ATG16L2: variants seen among roughly 807,000 people sequenced by gnomAD.
ATG16L2 encodes the protein protein Atg16l2.
A neutral mutation model predicts 84.7 loss-of-function variants in ATG16L2; 77 were observed. That is an observed-to-expected ratio of 0.91 (90% CI 0.76 to 1.10). The LOEUF (loss-of-function observed/expected upper bound fraction) is 1.10. Ranked by LOEUF, ATG16L2 falls within the 50% of genes least tolerant of loss-of-function variation. The pLI is 0.00. For synonymous variants in ATG16L2, 361 were observed against 342.8 expected (o/e 1.05, Z -0.59); for missense variants, 782 against 817.6 (o/e 0.96, Z 0.53).
intron 1 of ATG16L2, among the ~76,000 whole-genome samples, chr11:72,815,318 A>G (rs777159584): frequency 2.0e-5 from 3 of 152,174 alleles, no homozygotes; most frequent in Non-Finnish European, 4.4e-5. Context: ...ACTGGGGCTA[A>G]TCTTGGCCAA....
intron 7 of ATG16L2, chr11:72,823,400 G>A (rs1278797757): frequency 2.8e-6 from 1 of 351,062 alleles, no homozygotes; most frequent in South Asian, 2.2e-5. Context: ...AGCATGTGTA[G>A]ATGTGTGCTC....
intron 2 of ATG16L2, 152 bp from the exon 3 acceptor site, chr11:72,817,604 C>T (rs1270525306): frequency 1.4e-6 from 1 of 729,184 alleles, no homozygotes; most frequent in East Asian, 2.7e-5. Context: ...TTTCTAGAGA[C>T]TTGCCTTTTC....
Position 72,828,984 on chromosome 11 carries a change from G to A in ATG16L2, c.1772G>A (p.Cys591Tyr). The change falls in exon 17 of 18, where the codon TGC becomes TAC. Residue 591 changes from cysteine to tyrosine, a missense_variant and splice_region_variant. Transcript: ENST00000321297. ...GAGAGCAGACTACAGGGACCCCATT[G>A]GTGAGCATGGCCTCCACCTGGCCAC... ...KLESRLQGPH[C>Y]AAVNAVAWCY... 1.9e-6 allele frequency: 3 copies of A among 1,613,992 alleles called. No individual in the cohort carries two copies. Among genetic ancestry groups the A allele is most frequent in the Non-Finnish European group, 2.5e-6 (3 of 1,179,924 alleles).
At position 72,820,384 on chromosome 11, in the gene ATG16L2, C is replaced by G. The variant is rs184051572; in HGVS notation, c.319-1284C>G. 1.2e-4 allele frequency: 18 copies of G among 152,302 alleles called. No homozygotes were observed. In the East Asian group the frequency reaches 1.9e-3, roughly 16 times the overall value. 9.4% of individuals were successfully genotyped at this position (152,302 alleles called of 1,614,324 possible). On this transcript the variant is annotated intron_variant, in intron 3 of 17. Coordinates refer to ENST00000321297, the MANE Select transcript of ATG16L2 (RefSeq NM_033388.2). Reference sequence around the variant, plus strand: ...TTTAGTCACATTCACCCCTCTCCCCCCAACCATCCCTAACCCCTGGCAAGT... The same window carrying G: ...TTTAGTCACATTCACCCCTCTCCCCGCAACCATCCCTAACCCCTGGCAAGT...
chr11:72,826,750 G>A lies in ATG16L2; in HGVS notation c.1293G>A (p.Lys431=). The change falls in exon 13 of 18, where the codon AAG becomes AAA. Residue 431 remains lysine, a synonymous_variant. Transcript: ENST00000321297. ...HKDKVTAAKF[K]LTRHQAVTGS... is the part of the protein sequence containing the mutation. ...ATAAGGTGACAGCTGCCAAATTCAA[G>A]CTAACGAGGCACCAGGCAGTGACTG... is the stretch of plus-strand genomic sequence containing the variant. The A allele has an allele frequency of 6.2e-7, 1 of 1,614,136 alleles. No homozygotes were observed. The highest frequency in any genetic ancestry group is 8.5e-7 in the Non-Finnish European group (1 of 1,180,008).
chr11:72,829,583 T>C lies in ATG16L2; in HGVS notation c.*193T>C. On this transcript the variant is annotated 3_prime_UTR_variant, in exon 18 of 18. Transcript: ENST00000321297. ...ATTACGCTAGTTTTTCTTTGTATTT[T>C]TATCTCTATCTCCTCACTTTTTCTC... 1.6e-6 allele frequency: 2 copies of C among 1,275,146 alleles called. No homozygotes were observed. Among genetic ancestry groups the C allele is most frequent in the Non-Finnish European group, 2.0e-6 (2 of 1,001,090 alleles). 79.0% of individuals were successfully genotyped at this position (1,275,146 alleles called of 1,614,324 possible). A position where few individuals can be genotyped will look rare whatever the true frequency, so the allele number is the denominator to read the frequency against.
At chr11:72,826,881 G>T in intron 13 of ATG16L2, 58 bp downstream of exon 13, 1 of 1,588,334 alleles carries the variant, frequency 6.3e-7, no homozygotes, top group South Asian at 1.1e-5. Flanking sequence ...CCCAGGCCAG[G>T]GCACAAGGGA....
intron 3 of ATG16L2, chr11:72,821,388 G>C (rs899344037): frequency 6.9e-5 from 86 of 1,250,610 alleles, no homozygotes; most frequent in Non-Finnish European, 8.4e-5. Flanking sequence ...CAGTGGAGCG[G>C]GTTGCTCTTG....
chr11:72,814,619 C>A (rs1859598042), intron 1 of ATG16L2, 56 bp downstream of exon 1: 2 of 1,436,652 alleles, frequency 1.4e-6, no homozygotes, highest in Non-Finnish European at 1.9e-6. Flanking sequence ...GCTACGGGCG[C>A]GGGGAGAGGG....
intron 1 of ATG16L2, among the ~76,000 whole-genome samples, chr11:72,815,372 C>T (rs1164914242): frequency 6.6e-6 from 1 of 152,206 alleles, no homozygotes; most frequent in African/African-American, 2.4e-5. Context: ...AATTTCTCTG[C>T]AAGCTTCCAG....
intron 14 of ATG16L2, 42 bp downstream of exon 14, chr11:72,827,335 G>A: frequency 6.7e-7 from 1 of 1,495,742 alleles, no homozygotes; most frequent in Non-Finnish European, 9.3e-7. Context: ...GAGGGCTGGG[G>A]ACAGGGCTCC....
intron 8 of ATG16L2, chr11:72,824,501 C>T: frequency 3.5e-6 from 2 of 573,724 alleles, no homozygotes; most frequent in Non-Finnish European, 6.2e-6. Context: ...GGTTTCTTTG[C>T]ACCCACCAAC....
chr11:72,835,642 C>T (rs1471985720), intron 5 of ATG16L2, among the ~76,000 whole-genome samples: 1 of 152,092 alleles, frequency 6.6e-6, no homozygotes, highest in Non-Finnish European at 1.5e-5. Context: ...TGGATATAGT[C>T]CTTATAGGAA....
In ATG16L2 at chr11:72,817,789, A is replaced by G. The variant is rs889616078; in HGVS notation, c.252A>G (p.Pro84=). Residue 84 remains proline, a synonymous_variant, in exon 3 of 18, where the codon CCA becomes CCG. Coordinates refer to ENST00000321297, the MANE Select transcript of ATG16L2 (RefSeq NM_033388.2). ...EESELDSDQV[P]SLVALRVKWQ... is the part of the protein sequence containing the mutation. ...CAGAGCTTGACTCAGACCAAGTCCC[A>G]TCACTGGTCGCACTGAGGGTGAAGT... The G allele has an allele frequency of 1.2e-6, 2 of 1,613,552 alleles. No homozygotes were observed. The highest frequency in any genetic ancestry group is 1.7e-6 in the Non-Finnish European group (2 of 1,180,030).
In ATG16L2 at chr11:72,821,718, G is replaced by A; in HGVS notation, c.369G>A (p.Ser123=). 3 of 1,537,664 alleles carry A rather than the reference G, an allele frequency of 2.0e-6. No individual in the cohort carries two copies. The highest frequency in any genetic ancestry group is 2.4e-5 in the South Asian group (2 of 83,914). Residue 123 remains serine, a synonymous_variant, in exon 4 of 18, where the codon TCG becomes TCA. Transcript: ENST00000321297. ...GCGCGGCCCTGGGCACGCTGGAGTCGGAGCTGCAGCAGAGGCAAAGCAGGT... is the reference window on the plus strand; with the variant it reads ...GCGCGGCCCTGGGCACGCTGGAGTCAGAGCTGCAGCAGAGGCAAAGCAGGT... ...EKGAALGTLE[S]ELQQRQSRLA...
In ATG16L2 at chr11:72,824,108, G is replaced by T; in HGVS notation, c.873G>T (p.Val291=). ...SLTLSHCVDV[V]KGLLDFKKRR... is the part of the protein sequence containing the mutation. ...CGCTGTCCCACTGTGTGGATGTGGT[G>T]AAGGGGCTTCTGGAGTAAGTGTGTG... The change falls in exon 8 of 18, where the codon GTG becomes GTT. Residue 291 remains valine (V), a synonymous_variant. Transcript: ENST00000321297. The T allele has an allele frequency of 6.2e-7, 1 of 1,614,222 alleles. No individual in the cohort carries two copies. The highest frequency in any genetic ancestry group is 2.2e-5 in the East Asian group (1 of 44,882).
Position 72,822,384 on chromosome 11 carries a change from G to A in ATG16L2, c.644+89G>A. 1.3e-6 allele frequency: 2 copies of A among 1,584,916 alleles called. No individual in the cohort carries two copies. Among genetic ancestry groups the A allele is most frequent in the Non-Finnish European group, 1.7e-6 (2 of 1,166,052 alleles). On this transcript the variant is annotated intron_variant, in intron 5 of 17. Transcript: ENST00000321297. This position sits in a 1 kb window ranked among gnomAD's most constrained non-coding sequence, Gnocchi z 4.2. ...TCGCCGGTGTCTGGAAGGGAGGGGG[G>A]CAGCAGCCGCCCCCTGGAGGAAGGG...
rs78095359 is a variant in ATG16L2, at chr11:72,823,086, A to T, written c.824+125A>T. The T allele has an allele frequency of 9.9e-3, 6,486 of 655,442 alleles. 65 individuals are homozygous for T. Among genetic ancestry groups the T allele is most frequent in the South Asian group, 0.026 (1,333 of 51,638 alleles). 40.6% of individuals were successfully genotyped at this position (655,442 alleles called of 1,614,324 possible). ...GAGGGGGCTTGAGGAGAGGCCAGAA[A>T]GCTCAGATCTCCCAGGGCTAGTCTG... is the stretch of plus-strand genomic sequence containing the variant. On this transcript the variant is annotated intron_variant, in intron 7 of 17. Transcript: ENST00000321297.
At position 72,822,209 on chromosome 11, in the gene ATG16L2, A is replaced by G; in HGVS notation, c.558A>G (p.Glu186=). ...AGGCGGCACTGCGCAGGCTCCAGGA[A>G]GAGGCGCGCGACCTGCTGGAGAGGC... ...LREAALRRLQ[E]EARDLLERLV... Residue 186 remains glutamate (E), a synonymous_variant, in exon 5 of 18, where the codon GAA becomes GAG. Transcript: ENST00000321297. The surrounding 1 kb of genome is among the most constrained non-coding windows in gnomAD (Gnocchi z 4.2). 5 of 1,505,672 alleles carry G rather than the reference A, an allele frequency of 3.3e-6. 1 individual carries two copies. Among genetic ancestry groups the G allele is most frequent in the Non-Finnish European group, 2.6e-6 (3 of 1,136,708 alleles). The allele number at this position is 1,505,672 out of a possible 1,614,324, so 93.3% of individuals were successfully genotyped here.
Sources: allele counts gnomAD v4.1 joint callset (sites outside exome capture counted in the v4.1 genomes callset), GRCh38; gene constraint gnomAD v4.1.1; non-coding constraint Gnocchi (gnomAD v3.1); transcripts MANE v1.5; gene names NCBI Gene and HGNC (gene_info 2026-07-23, HGNC 2026-07-21).